Variants in PLEKHG6 observed in about 807,000 individuals in gnomAD.
PLEKHG6 encodes pleckstrin homology and RhoGEF domain containing G6, also known as pleckstrin homology domain-containing family G member 6.
A neutral mutation model predicts 97.5 loss-of-function variants in PLEKHG6; 91 were observed. The ratio of observed to expected loss-of-function variants is 0.93; its 90% CI spans 0.79 to 1.11. PLEKHG6 has a LOEUF of 1.11. Among genes scored for constraint, PLEKHG6 ranks in the 50% most tolerant of loss-of-function variants. The probability of loss-of-function intolerance (pLI) is 0.00; values close to 1 mark genes in which losing one functional copy is unlikely to be tolerated. For missense variants in PLEKHG6, 1,044 were observed against 1,031.0 expected (o/e 1.01, Z -0.17); for synonymous variants, 466 against 425.5 (o/e 1.10, Z -1.17).
chr12:6,326,652 T>C lies in PLEKHG6; in HGVS notation c.1670+79T>C. 4.6e-6 allele frequency: 6 copies of C among 1,305,284 alleles called. No homozygotes were observed. The South Asian group carries it at 1.0e-4, about 23-fold the overall frequency. 80.9% of individuals were successfully genotyped at this position (1,305,284 alleles called of 1,614,324 possible). A position where few individuals can be genotyped will look rare whatever the true frequency, so the allele number is the denominator to read the frequency against. On this transcript the variant is annotated intron_variant, in intron 14 of 15. Transcript: ENST00000684764. ...GGCTGAGAAATGGCATTACTGCACA[T>C]TTTTGGTGGAATTGGGAATAGATAG...
chr12:6,313,131 C>T (rs987855099), intron 2 of PLEKHG6: 10 of 1,543,538 alleles, frequency 6.5e-6, no homozygotes, highest in Non-Finnish European at 8.8e-6. Context: ...AGAAGGGCAG[C>T]CACTCCCAGC....
At position 6,326,449 on chromosome 12, in the gene PLEKHG6, G is replaced by A; in HGVS notation, c.1546G>A (p.Ala516Thr). 15 of 1,613,838 alleles carry A rather than the reference G, an allele frequency of 9.3e-6. No homozygotes were observed. The highest frequency in any genetic ancestry group is 1.3e-5 in the Non-Finnish European group (15 of 1,179,822). The change falls in exon 14 of 16, where the codon GCA becomes ACA. Residue 516 changes from alanine to threonine, a missense_variant. Coordinates refer to ENST00000684764, the MANE Select transcript of PLEKHG6 (RefSeq NM_001384598.1). Reference sequence around the variant, plus strand: ...CCAGGCCGCCCTACAGAAGCTGAAGGCAGAGGAGTATGTTCAACAGAAGAG... The same window carrying A: ...CCAGGCCGCCCTACAGAAGCTGAAGACAGAGGAGTATGTTCAACAGAAGAG... ...QAQAALQKLKAEEYVQQKREL... is the reference protein window; with the variant it reads ...QAQAALQKLKTEEYVQQKREL...
At position 6,328,232 on chromosome 12, in the gene PLEKHG6, A is replaced by G. The variant is rs1947945707; in HGVS notation, c.*87A>G. 7.5e-7 allele frequency: 1 copy of G among 1,341,410 alleles called. No homozygotes were observed. The highest frequency in any genetic ancestry group is 1.4e-5 in the African/African-American group (1 of 69,526). 83.1% of individuals were successfully genotyped at this position (1,341,410 alleles called of 1,614,324 possible). Reference sequence around the variant, plus strand: ...GTCACCCTCCGGCATCTGTGACTCTACCTCAAGGACCACATTTCCCAAAGG... The same window carrying G: ...GTCACCCTCCGGCATCTGTGACTCTGCCTCAAGGACCACATTTCCCAAAGG... On this transcript the variant is annotated 3_prime_UTR_variant, in exon 16 of 16. Coordinates refer to ENST00000684764, the MANE Select transcript of PLEKHG6 (RefSeq NM_001384598.1).
Position 6,316,108 on chromosome 12 carries a change from C to G in PLEKHG6, c.607-147C>G, listed in dbSNP as rs934019084. The G allele has an allele frequency of 4.3e-6, 4 of 923,788 alleles. No homozygotes were observed. In the South Asian group the frequency reaches 7.0e-5, roughly 16 times the overall value. The allele number at this position is 923,788 out of a possible 1,614,324, so 57.2% of individuals were successfully genotyped here. A position where few individuals can be genotyped will look rare whatever the true frequency, so the allele number is the denominator to read the frequency against. ...GCCCCCCATTTCTCAGACTGACATC[C>G]TTGAGATCTTCCAGGCCCAGTGCCC... On this transcript the variant is annotated intron_variant, in intron 6 of 15. Transcript: ENST00000684764. This position sits in a 1 kb window ranked among gnomAD's most constrained non-coding sequence, Gnocchi z 4.1.
chr12:6,322,559 G>T (rs1947737100), intron 13 of PLEKHG6, among the ~76,000 whole-genome samples: 1 of 152,162 alleles, frequency 6.6e-6, no homozygotes, highest in Admixed American at 6.5e-5. Context: ...GGACTGACTG[G>T]CAAGTGACAT....
chr12:6,319,815 G>A (rs142905568), intron 13 of PLEKHG6: 467 of 710,100 alleles, frequency 6.6e-4, no homozygotes, highest in Middle Eastern at 1.2e-3. Context: ...TGCCCTCAAG[G>A]CCTAGGTGCT....
intron 11 of PLEKHG6, 68 bp from the exon 12 acceptor site, chr12:6,318,677 C>G (rs1947582172): frequency 1.3e-6 from 2 of 1,549,340 alleles, no homozygotes; most frequent in Admixed American, 3.4e-5. Context: ...GCCTGAGCCT[C>G]CTCCCGGACC....
chr12:6,326,600 TC>T (rs757388873), intron 14 of PLEKHG6, 27 bp downstream of exon 14: 1 of 1,430,702 alleles, frequency 7.0e-7, no homozygotes, highest in South Asian at 1.6e-5. Context: ...CTACAAGGTC[TC>T]CCCGAGCAGG....
At chr12:6,314,464 G>T (rs376953679) in intron 3 of PLEKHG6, among the ~76,000 whole-genome samples, 3 of 151,930 alleles carry the variant, frequency 2.0e-5, no homozygotes, top group Admixed American at 6.6e-5. Flanking sequence ...CCGAGATTGC[G>T]CCACTGCACT....
At chr12:6,328,076 T>A in intron 15 of PLEKHG6, 60 bp from the exon 16 acceptor site, 1 of 1,610,976 alleles carries the variant, frequency 6.2e-7, no homozygotes, top group East Asian at 2.2e-5. Context: ...GCCTCACTCT[T>A]CACCTGACCC....
rs1947766583 is a variant in PLEKHG6, at chr12:6,323,504, C to T, written c.1525-2924C>T. Among the ~76,000 whole-genome samples, 3 of 152,330 alleles carry T rather than the reference C, an allele frequency of 2.0e-5. No individual in the cohort carries two copies. In the South Asian group the frequency reaches 6.2e-4, roughly 32 times the overall value. ...TTCCTAGCGGGTCTAGCTGTGATGA[C>T]TCACACTTTTAGAGAAAGTAAGCTT... On this transcript the variant is annotated intron_variant, in intron 13 of 15. Transcript: ENST00000684764.
intron 3 of PLEKHG6, 47 bp downstream of exon 3, chr12:6,313,831 G>A (rs199823849): frequency 7.1e-5 from 107 of 1,498,036 alleles, no homozygotes; most frequent in Non-Finnish European, 1.8e-6. Flanking sequence ...GGCCCCAATT[G>A]TGATGGCTCC....
chr12:6,325,687 C>A (rs562308099), intron 13 of PLEKHG6, among the ~76,000 whole-genome samples: 2 of 152,282 alleles, frequency 1.3e-5, no homozygotes, highest in South Asian at 4.1e-4. Context: ...CTTGAAGGAG[C>A]AACCAGTACC....
At chr12:6,326,104 A>G (rs1947847283) in intron 13 of PLEKHG6, among the ~76,000 whole-genome samples, 1 of 152,036 alleles carries the variant, frequency 6.6e-6, no homozygotes, top group African/African-American at 2.4e-5. Context: ...CAGGAGTTTG[A>G]GACCAGCCTG....
Position 6,327,612 on chromosome 12 carries a change from C to A in PLEKHG6, c.2029C>A (p.Arg677=). ...TGAGGAAGAAGATGGGGCCTCCGAG[C>A]GAGGGAATGTGGTGGTGGAAACACT... ...WSEEEDGASE[R]GNVVVETLHR... Residue 677 remains arginine (R), a synonymous_variant, in exon 15 of 16, where the codon CGA becomes AGA. Transcript: ENST00000684764. The A allele has an allele frequency of 6.3e-7, 1 of 1,579,122 alleles. No homozygotes were observed. The highest frequency in any genetic ancestry group is 8.6e-7 in the Non-Finnish European group (1 of 1,162,402).
At chr12:6,312,459 G>T in intron 2 of PLEKHG6, 95 bp downstream of exon 2, 1 of 1,353,396 alleles carries the variant, frequency 7.4e-7, no homozygotes, top group South Asian at 1.4e-5. Flanking sequence ...TTCAGAGGTT[G>T]AGCTATTCCT....
chr12:6,321,781 C>T (rs1424394146), intron 13 of PLEKHG6, among the ~76,000 whole-genome samples: 8 of 135,918 alleles, frequency 5.9e-5, no homozygotes, highest in African/African-American at 1.9e-4. Context: ...GAGCCGAGAT[C>T]GCGCCACTGC....
chr12:6,315,233 C>A lies in PLEKHG6; in HGVS notation c.459+64C>A. The A allele has an allele frequency of 6.7e-7, 1 of 1,488,602 alleles. No homozygotes were observed. Among genetic ancestry groups the A allele is most frequent in the Non-Finnish European group, 9.1e-7 (1 of 1,100,122 alleles). 92.2% of individuals were successfully genotyped at this position (1,488,602 alleles called of 1,614,324 possible). On this transcript the variant is annotated intron_variant, in intron 4 of 15. Coordinates refer to ENST00000684764, the MANE Select transcript of PLEKHG6 (RefSeq NM_001384598.1). The surrounding 1 kb of genome is among the most constrained non-coding windows in gnomAD (Gnocchi z 4.5). ...CGTGAATGCACACACAGATTCTGCT[C>A]TAGAGGAGGGAAAGGCCTTGGGAAG...
chr12:6,312,029 T>A (rs1226117359), intron 1 of PLEKHG6, 130 bp from the exon 2 acceptor site: 2 of 473,952 alleles, frequency 4.2e-6, no homozygotes, highest in Non-Finnish European at 7.3e-6. Context: ...CCCCAACAAG[T>A]GACCAAGCCC....
Sources: gnomAD v4.1 joint callset for allele counts (sites outside exome capture counted in the v4.1 genomes callset) on GRCh38, gnomAD v4.1.1 for gene constraint, Gnocchi (gnomAD v3.1) non-coding constraint, MANE v1.5 for transcripts, NCBI Gene and HGNC (gene_info 2026-07-23, HGNC 2026-07-21) for gene names.